ULK4: variants seen among roughly 807,000 people sequenced by gnomAD.
ULK4 encodes the protein unc-51 like kinase 4.
A neutral mutation model predicts 160.6 loss-of-function variants in ULK4; 133 were observed. The observed-to-expected ratio is 0.83, with a 90% CI of 0.72 to 0.96. ULK4 has a LOEUF of 0.96. ULK4 is among the 40% of genes least tolerant of loss of function. The pLI is 0.00. For synonymous variants in ULK4, 534 were observed against 539.8 expected, an observed-to-expected ratio of 0.99 and a Z score of 0.15; for missense variants, 1,580 against 1,499.5, an observed-to-expected ratio of 1.05 and a Z score of -0.89.
intron 8 of ULK4, among the ~76,000 whole-genome samples, chr3:41,913,597 G>A (rs544943141): frequency 6.6e-6 from 1 of 152,252 alleles, no homozygotes; most frequent in South Asian, 2.1e-4. Context: ...ACAGAGGCAA[G>A]ATTATTTTAC....
At chr3:41,825,000 G>T (rs1559583357) in intron 18 of ULK4, among the ~76,000 whole-genome samples, 1 of 152,212 alleles carries the variant, frequency 6.6e-6, no homozygotes, top group Non-Finnish European at 1.5e-5. Context: ...AACATTTGCT[G>T]TTCACCAATA....
chr3:41,753,337 T>C (rs1193923630), intron 22 of ULK4, among the ~76,000 whole-genome samples: 3 of 152,000 alleles, frequency 2.0e-5, no homozygotes, highest in Non-Finnish European at 4.4e-5. Context: ...AAAAAAAAAA[T>C]TGTCAACCCC....
rs549083970 is a variant in ULK4 at position 41,950,486 on chromosome 3, G to A, written c.138+4136C>T. Among the ~76,000 whole-genome samples, 14 of 152,028 alleles carry A rather than the reference G, an allele frequency of 9.2e-5. 1 individual carries two copies. In the East Asian group the frequency reaches 2.1e-3, roughly 23 times the overall value. On this transcript the variant is annotated intron_variant, in intron 2 of 36. Transcript: ENST00000301831. Reference sequence around the variant, plus strand: ...TTGAACTCCAGGCCTCAAGTGATCCGCCCACCTCAGCCTCCAAAAGTACTG... The same window carrying A: ...TTGAACTCCAGGCCTCAAGTGATCCACCCACCTCAGCCTCCAAAAGTACTG...
intron 22 of ULK4, among the ~76,000 whole-genome samples, chr3:41,746,197 AAG>A (rs972475972): frequency 2.0e-5 from 3 of 150,260 alleles, no homozygotes; most frequent in African/African-American, 7.4e-5. Context: ...GCACACAAAC[AAG>A]AGAGAAGAAA....
intron 32 of ULK4, among the ~76,000 whole-genome samples, chr3:41,481,479 T>C (rs537550976): frequency 1.3e-5 from 2 of 152,254 alleles, no homozygotes; most frequent in African/African-American, 4.8e-5. Flanking sequence ...ATTAATAACA[T>C]TTACTAAACA....
chr3:41,609,299 C>G (rs1156966951), intron 31 of ULK4, among the ~76,000 whole-genome samples: 3 of 152,132 alleles, frequency 2.0e-5, no homozygotes, highest in African/African-American at 4.8e-5. Flanking sequence ...TAACGTGGAG[C>G]TGATCAGAAT....
intron 32 of ULK4, among the ~76,000 whole-genome samples, chr3:41,485,257 G>C (rs1279248201): frequency 6.6e-6 from 1 of 152,104 alleles, no homozygotes; most frequent in Non-Finnish European, 1.5e-5. Flanking sequence ...AAGAAAATAA[G>C]ATCATCTAGC....
At chr3:41,725,381 T>C (rs2037615988) in intron 22 of ULK4, among the ~76,000 whole-genome samples, 1 of 152,184 alleles carries the variant, frequency 6.6e-6, no homozygotes, top group South Asian at 2.1e-4. Flanking sequence ...AATTTTCTGT[T>C]TTCCTCTATA....
chr3:41,302,051 G>A (rs541179437), intron 35 of ULK4, among the ~76,000 whole-genome samples: 2 of 152,276 alleles, frequency 1.3e-5, no homozygotes, highest in African/African-American at 2.4e-5. Context: ...CATTTCCTAC[G>A]CTCTCAGGAA....
chr3:41,692,405 T>C (rs191935374), intron 27 of ULK4, among the ~76,000 whole-genome samples: 326 of 152,116 alleles, frequency 2.1e-3, no homozygotes, highest in Non-Finnish European at 3.6e-3. Context: ...ATTGAGACAA[T>C]AGACAATGAG....
intron 17 of ULK4, among the ~76,000 whole-genome samples, chr3:41,868,845 A>G (rs373704355): frequency 6.6e-6 from 1 of 151,988 alleles, no homozygotes; most frequent in African/African-American, 2.4e-5. Flanking sequence ...TTTGATGGGA[A>G]TATTTAGGCT....
At chr3:41,674,693 A>G (rs1402860659) in intron 29 of ULK4, among the ~76,000 whole-genome samples, 1 of 152,236 alleles carries the variant, frequency 6.6e-6, no homozygotes, top group Non-Finnish European at 1.5e-5. Flanking sequence ...CTTAGTAAGT[A>G]CATAGTTTCC....
intron 27 of ULK4, among the ~76,000 whole-genome samples, chr3:41,702,516 G>A (rs2036711818): frequency 6.6e-6 from 1 of 152,094 alleles, no homozygotes; most frequent in South Asian, 2.1e-4. Flanking sequence ...GTAGATGTCT[G>A]AAGGAAAAGA....
intron 35 of ULK4, among the ~76,000 whole-genome samples, chr3:41,300,516 C>G (rs1360143832): frequency 4.6e-5 from 7 of 152,020 alleles, no homozygotes; most frequent in Admixed American, 4.6e-4. Flanking sequence ...TAAGTTTTCA[C>G]TGGTTTCTGT....
intron 34 of ULK4, among the ~76,000 whole-genome samples, chr3:41,402,765 G>T (rs144868034): frequency 1.4e-4 from 21 of 152,224 alleles, no homozygotes; most frequent in African/African-American, 4.8e-4. Flanking sequence ...ATTTTGCTGA[G>T]GAGTTTTGTG....
Position 41,885,067 on chromosome 3 carries a change from G to A in ULK4, c.1578-1115C>T, listed in dbSNP as rs566720492. On this transcript the variant is annotated intron_variant, in intron 16 of 36. Transcript: ENST00000301831. ...GAGATGGGGTCCGCTATGATGCCCA[G>A]GCTGACCTTGAACTCCTGAAAAACA... Among the ~76,000 whole-genome samples, 3 of 152,104 alleles carry A rather than the reference G, an allele frequency of 2.0e-5. No individual in the cohort carries two copies. In the East Asian group the frequency reaches 5.8e-4, roughly 29 times the overall value.
chr3:41,457,061 A>C (rs1367390165), intron 33 of ULK4, among the ~76,000 whole-genome samples: 3 of 152,210 alleles, frequency 2.0e-5, no homozygotes, highest in African/African-American at 7.2e-5. Context: ...GTGCGGCACT[A>C]TCCAAGAGGT....
chr3:41,491,784 G>T (rs191274364), intron 32 of ULK4, among the ~76,000 whole-genome samples: 2,625 of 150,668 alleles, frequency 0.017, 62 homozygotes, highest in African/African-American at 0.061. Context: ...ACAATGTGCA[G>T]GTTAGTTACA....
At chr3:41,582,958 G>C (rs2030491251) in intron 31 of ULK4, among the ~76,000 whole-genome samples, 1 of 152,170 alleles carries the variant, frequency 6.6e-6, no homozygotes, top group Non-Finnish European at 1.5e-5. Context: ...TTCAACTTTA[G>C]AATCAAACTT....
Sources: allele counts gnomAD v4.1 joint callset (sites outside exome capture counted in the v4.1 genomes callset), GRCh38; gene constraint gnomAD v4.1.1; transcripts MANE v1.5; gene names NCBI Gene and HGNC (gene_info 2026-07-23, HGNC 2026-07-21).